The following AFP variants were observed in gnomAD, a reference collection of about 807,000 sequenced individuals.
AFP encodes alpha-fetoprotein.
In AFP, 64 loss-of-function variants were observed where a neutral mutation model predicts 78.9. That is an observed-to-expected ratio of 0.81 (90% confidence interval 0.66 to 1.00). The LOEUF is 1.00. Ranked by LOEUF, AFP falls within the 50% of genes least tolerant of loss-of-function variation. The pLI is 0.00. For missense variants in AFP, 689 were observed against 703.8 expected, an observed-to-expected ratio of 0.98 and a Z score of 0.24; for synonymous variants, 254 against 243.8, an observed-to-expected ratio of 1.04 and a Z score of -0.39.
At chr4:73,438,683 A>C (rs1016056743) in intron 3 of AFP, among the ~76,000 whole-genome samples, 1 of 152,104 alleles carries the variant, frequency 6.6e-6, no homozygotes, top group African/African-American at 2.4e-5. Flanking sequence ...TATACACACA[A>C]TGTGACTGGC....
chr4:73,446,112 C>T (rs1188710222), intron 7 of AFP, among the ~76,000 whole-genome samples: 5 of 152,070 alleles, frequency 3.3e-5, no homozygotes, highest in African/African-American at 9.7e-5. Context: ...AGCAAGAAGC[C>T]AAGGCTGCAG....
intron 3 of AFP, among the ~76,000 whole-genome samples, chr4:73,439,950 T>C (rs933377957): frequency 1.3e-5 from 2 of 151,288 alleles, no homozygotes; most frequent in African/African-American, 2.4e-5. Flanking sequence ...TATGTATATA[T>C]ATGTATGTAT....
At chr4:73,439,719 A>T (rs973727008) in intron 3 of AFP, among the ~76,000 whole-genome samples, 9 of 152,184 alleles carry the variant, frequency 5.9e-5, no homozygotes, top group African/African-American at 2.2e-4. Flanking sequence ...GAGTTTGGTA[A>T]GGGTAAGTCA....
At position 73,444,854 on chromosome 4, in the gene AFP, T is replaced by G. The variant is rs148252158; in HGVS notation, c.714-139T>G. The stretch of plus-strand genomic sequence containing the variant: ...ATGGCTGGAATCAAGCCTTAAAACA[T>G]GTTTCCTTTTCTTTTTAAACAACAA... On this transcript the variant is annotated intron_variant, in intron 6 of 14. Transcript: ENST00000395792. The G allele has an allele frequency of 7.8e-4, 595 of 765,052 alleles. 4 individuals carry two copies. In the East Asian group the frequency reaches 0.017, roughly 22 times the overall value. The allele number at this position is 765,052 out of a possible 1,614,324, so 47.4% of individuals were successfully genotyped here.
chr4:73,449,961 T>C (rs1194843033), intron 9 of AFP, 75 bp from the exon 10 acceptor site: 1 of 912,762 alleles, frequency 1.1e-6, no homozygotes, highest in Non-Finnish European at 1.7e-6. Flanking sequence ...TAGTATATAA[T>C]ATTGATCAAT....
chr4:73,442,563 ATATTCT>A (rs1719701517), intron 5 of AFP, 135 bp downstream of exon 5: 3 of 1,051,538 alleles, frequency 2.9e-6, no homozygotes, highest in Non-Finnish European at 4.3e-6. Context: ...CAGCAGTCTG[ATATTCT>A]TCGAGTGAAC....
At chr4:73,451,591 C>G (rs1473772611) in intron 11 of AFP, among the ~76,000 whole-genome samples, 1 of 152,114 alleles carries the variant, frequency 6.6e-6, no homozygotes, top group African/African-American at 2.4e-5. Flanking sequence ...TGTAATGGTT[C>G]AGGAGTGTAT....
chr4:73,437,378 A>T (rs1220973819), intron 2 of AFP, among the ~76,000 whole-genome samples, 167 bp downstream of exon 2: 1 of 152,060 alleles, frequency 6.6e-6, no homozygotes, highest in Non-Finnish European at 1.5e-5. Context: ...AAGAGGTTAA[A>T]CTGTTGACTA....
chr4:73,442,156 G>A (rs1719689194), intron 4 of AFP, 140 bp from the exon 5 acceptor site: 2 of 905,384 alleles, frequency 2.2e-6, no homozygotes, highest in Non-Finnish European at 3.4e-6. Flanking sequence ...TTCCCCTTAG[G>A]AACACAGTAA....
intron 13 of AFP, among the ~76,000 whole-genome samples, chr4:73,454,847 C>T (rs552705015): frequency 6.6e-6 from 1 of 152,166 alleles, no homozygotes; most frequent in South Asian, 2.1e-4. Flanking sequence ...TGATGTGAAG[C>T]ATTTCTGAAA....
At chr4:73,438,591 C>A (rs571570314) in intron 3 of AFP, among the ~76,000 whole-genome samples, 3 of 151,994 alleles carry the variant, frequency 2.0e-5, no homozygotes, top group African/African-American at 7.2e-5. Context: ...GTTTTCTTAT[C>A]TGTAAAATAA....
At chr4:73,445,653 G>A (rs1325092245) in intron 7 of AFP, among the ~76,000 whole-genome samples, 5 of 152,102 alleles carry the variant, frequency 3.3e-5, no homozygotes, top group African/African-American at 7.2e-5. Context: ...CACATGGAAG[G>A]CATTCTATAA....
rs1720145215 is a variant in AFP, at chr4:73,455,881, T to C, written c.*261T>C. The C allele has an allele frequency of 3.7e-6, 2 of 542,532 alleles. No individual in the cohort carries two copies. Among genetic ancestry groups the C allele is most frequent in the African/African-American group, 3.9e-5 (2 of 51,418 alleles). 33.6% of individuals were successfully genotyped at this position (542,532 alleles called of 1,614,324 possible). ...CTGTTAAAATAGCATTAAGTGTTGGTTATTATAGGAGATTAAAGCTATCCA... is the reference window on the plus strand; with the variant it reads ...CTGTTAAAATAGCATTAAGTGTTGGCTATTATAGGAGATTAAAGCTATCCA... On this transcript the variant is annotated 3_prime_UTR_variant, in exon 15 of 15. Coordinates refer to ENST00000395792, the MANE Select transcript of AFP (RefSeq NM_001134.3).
chr4:73,447,230 T>G (rs1267685143), intron 7 of AFP, among the ~76,000 whole-genome samples: 2 of 152,084 alleles, frequency 1.3e-5, no homozygotes, highest in African/African-American at 4.8e-5. Flanking sequence ...AATTAAACAT[T>G]CACACATTGT....
chr4:73,455,696 A>C lies in AFP; in HGVS notation c.*76A>C, dbSNP rs776244649. 4.3e-6 allele frequency: 3 copies of C among 694,336 alleles called. No homozygotes were observed. In the South Asian group the frequency reaches 4.6e-5, roughly 11 times the overall value. 43.0% of individuals were successfully genotyped at this position (694,336 alleles called of 1,614,324 possible). ...TTTTCTCTTTAATTTTAACTGATTT[A>C]ACACTTTTTGTGAATTAATGAAATG... On this transcript the variant is annotated 3_prime_UTR_variant, in exon 15 of 15. Coordinates refer to ENST00000395792, the MANE Select transcript of AFP (RefSeq NM_001134.3).
intron 3 of AFP, 24 bp downstream of exon 3, chr4:73,438,330 C>T (rs1719570197): frequency 6.3e-7 from 1 of 1,597,590 alleles, no homozygotes; most frequent in Non-Finnish European, 8.5e-7. Flanking sequence ...TTTAAAAAAG[C>T]ATTGTGATAT....
At chr4:73,442,641 G>A (rs904736289) in intron 5 of AFP, among the ~76,000 whole-genome samples, 1 of 152,076 alleles carries the variant, frequency 6.6e-6, no homozygotes, top group African/African-American at 2.4e-5. Flanking sequence ...TTATTATTAA[G>A]GAAGTGAGTT....
In AFP at chr4:73,447,663, A is replaced by G. The variant is rs188021984; in HGVS notation, c.1045A>G (p.Ile349Val). 14 of 1,609,600 alleles carry G rather than the reference A, an allele frequency of 8.7e-6. No homozygotes were observed. The East Asian group carries it at 2.9e-4, about 33-fold the overall frequency. Residue 349 changes from isoleucine to valine, a missense_variant, in exon 8 of 15, where the codon ATC (isoleucine) becomes GTC (valine). By Grantham distance (29) the Ile-to-Val change is conservative. Transcript: ENST00000395792. ...FNQFSSGEKNIFLASFVHEYS... is the reference protein window; with the variant it reads ...FNQFSSGEKNVFLASFVHEYS... ...CCAATTTTCTTCAGGGGAAAAAAATATCTTCTTGGCAAGGTAACACACTCT... is the reference window on the plus strand; with the variant it reads ...CCAATTTTCTTCAGGGGAAAAAAATGTCTTCTTGGCAAGGTAACACACTCT...
intron 13 of AFP, among the ~76,000 whole-genome samples, chr4:73,454,612 A>G (rs984352965): frequency 6.6e-6 from 1 of 152,158 alleles, no homozygotes; most frequent in African/African-American, 2.4e-5. Context: ...TAGCAACACT[A>G]TACTTTAAAA....
Sources: allele counts gnomAD v4.1 joint callset (sites outside exome capture counted in the v4.1 genomes callset), GRCh38; gene constraint gnomAD v4.1.1; transcripts MANE v1.5; gene names NCBI Gene and HGNC (gene_info 2026-07-23, HGNC 2026-07-21).